The following BRAP variants were observed in gnomAD, a reference collection of about 807,000 sequenced individuals.
BRAP encodes the protein BRCA1 associated protein.
Under a neutral mutation model 73.4 loss-of-function variants are expected in BRAP, and 42 were observed. That is an observed-to-expected ratio of 0.57 (90% CI 0.45 to 0.74). The LOEUF (loss-of-function observed/expected upper bound fraction) is 0.74, where lower values mean the gene tolerates loss of function less well. Ranked by LOEUF, BRAP falls within the 30% of genes least tolerant of loss-of-function variation. BRAP has a pLI of 0.00. For missense variants in BRAP, 593 were observed against 751.4 expected, an observed-to-expected ratio of 0.79 and a Z score of 2.46; for synonymous variants, 255 against 267.4, an observed-to-expected ratio of 0.95 and a Z score of 0.45.
chr12:111,668,034 C>T (rs1473933199), intron 5 of BRAP, among the ~76,000 whole-genome samples: 1 of 152,116 alleles, frequency 6.6e-6, no homozygotes, highest in Non-Finnish European at 1.5e-5. Context: ...TGGTGAAACC[C>T]CATCTCTACT....
At chr12:111,680,390 A>G (rs1887554298) in intron 3 of BRAP, among the ~76,000 whole-genome samples, 1 of 152,116 alleles carries the variant, frequency 6.6e-6, no homozygotes, top group Non-Finnish European at 1.5e-5. Flanking sequence ...CTCACTTGAC[A>G]GCTGTGATCC....
chr12:111,679,492 T>G lies in BRAP; in HGVS notation c.444-152A>C, dbSNP rs915980967. ...TCTATATTATACCCCCCATTGGACT[T>G]TTTAATCTTCAGTTCAACATTTATT... On this transcript the variant is annotated intron_variant, in intron 3 of 11. Transcript: ENST00000419234. 2.5e-5 allele frequency: 12 copies of G among 472,384 alleles called. No individual in the cohort carries two copies. The South Asian group carries it at 4.9e-4, about 19-fold the overall frequency. The allele number at this position is 472,384 out of a possible 1,614,324, so 29.3% of individuals were successfully genotyped here. A position where few individuals can be genotyped will look rare whatever the true frequency, so the allele number is the denominator to read the frequency against.
chr12:111,646,985 G>C (rs1408031893), intron 11 of BRAP, among the ~76,000 whole-genome samples: 1 of 152,138 alleles, frequency 6.6e-6, no homozygotes, highest in Non-Finnish European at 1.5e-5. Flanking sequence ...TGCAGGCCAG[G>C]TGCAGGGCTC....
chr12:111,646,083 A>T (rs886118686), intron 11 of BRAP, among the ~76,000 whole-genome samples: 1 of 152,034 alleles, frequency 6.6e-6, no homozygotes, highest in Non-Finnish European at 1.5e-5. Flanking sequence ...GTCACTTTGA[A>T]ATCAGCCCGG....
intron 4 of BRAP, among the ~76,000 whole-genome samples, chr12:111,675,552 G>A (rs1421243468): frequency 6.7e-6 from 1 of 149,146 alleles, no homozygotes; most frequent in African/African-American, 2.5e-5. Flanking sequence ...ACTACACATG[G>A]TTCCTACTTC....
intron 9 of BRAP, among the ~76,000 whole-genome samples, chr12:111,657,278 A>G: frequency 6.6e-6 from 1 of 152,078 alleles, no homozygotes; most frequent in South Asian, 2.1e-4. Context: ...TCCTGACCTC[A>G]GGTGATCCAC....
chr12:111,652,719 C>CTTT (rs994492953), intron 10 of BRAP, among the ~76,000 whole-genome samples: 1 of 149,760 alleles, frequency 6.7e-6, no homozygotes, highest in South Asian at 2.1e-4. Flanking sequence ...ATCTCTCTCT[C>CTTT]TTTTTTTTTG....
intron 1 of BRAP, 94 bp downstream of exon 1, chr12:111,685,617 C>T (rs1887793661): frequency 1.4e-6 from 2 of 1,429,356 alleles, no homozygotes; most frequent in Non-Finnish European, 1.8e-6. Context: ...CAACAGCCCT[C>T]GCCGCGGGCT....
At position 111,685,874 on chromosome 12, in the gene BRAP, C is replaced by T. The variant is rs1049542083; in HGVS notation, c.-82G>A. On this transcript the variant is annotated 5_prime_UTR_variant, in exon 1 of 12. Transcript: ENST00000419234. ...GCCGAGAGGCCGAGCGGCCCGGGGC[C>T]GGCAGCGCCGCCACCACCTCAATGC... 3.5e-6 allele frequency: 3 copies of T among 852,290 alleles called. No individual in the cohort carries two copies. The highest frequency in any genetic ancestry group is 2.7e-5 in the South Asian group (1 of 37,338). 52.8% of individuals were successfully genotyped at this position (852,290 alleles called of 1,614,324 possible).
At chr12:111,645,441 C>T (rs901966129) in intron 11 of BRAP, among the ~76,000 whole-genome samples, 1 of 152,078 alleles carries the variant, frequency 6.6e-6, no homozygotes, top group Admixed American at 6.6e-5. Flanking sequence ...CTGTGACTGA[C>T]GGTAAAAATT....
At chr12:111,653,237 A>C (rs1335995673) in intron 10 of BRAP, among the ~76,000 whole-genome samples, 1 of 152,186 alleles carries the variant, frequency 6.6e-6, no homozygotes, top group Non-Finnish European at 1.5e-5. Flanking sequence ...AGCCCACAGT[A>C]AGAAACACCC....
At chr12:111,654,554 G>A (rs957673709) in intron 10 of BRAP, among the ~76,000 whole-genome samples, 2 of 152,188 alleles carry the variant, frequency 1.3e-5, no homozygotes, top group African/African-American at 4.8e-5. Context: ...GACCTCAAGT[G>A]ATCTGCCTGC....
intron 8 of BRAP, among the ~76,000 whole-genome samples, 176 bp downstream of exon 8, chr12:111,659,031 A>AATCAC (rs1886641242): frequency 1.3e-5 from 2 of 152,204 alleles, no homozygotes. Context: ...AACTCCCTTT[A>AATCAC]TAATGTGTGA....
Position 111,643,630 on chromosome 12 carries a change from TTTACTA to T in BRAP, c.*563_*568del, listed in dbSNP as rs1270516409. ...CTGCTGGTAAAGAGCCAGGGCCTGG[TTTACTA>T]CCAGGCCTCTTTTCAGATAACATTC... On this transcript the variant is annotated 3_prime_UTR_variant, in exon 12 of 12. Coordinates refer to ENST00000419234, the MANE Select transcript of BRAP (RefSeq NM_006768.5). 6.6e-6 allele frequency: 1 copy of T among 152,194 alleles called. No homozygotes were observed. Among genetic ancestry groups the T allele is most frequent in the Non-Finnish European group, 1.5e-5 (1 of 68,128 alleles). The allele number at this position is 152,194 out of a possible 1,614,324, so 9.4% of individuals were successfully genotyped here. A position where few individuals can be genotyped will look rare whatever the true frequency, so the allele number is the denominator to read the frequency against.
In BRAP at chr12:111,681,751, C is replaced by G. The variant is rs768730554; in HGVS notation, c.329G>C (p.Cys110Ser). The change falls in exon 3 of 12, where the codon TGC becomes TCC. Residue 110 changes from cysteine (C) to serine (S), a missense_variant. Transcript: ENST00000419234. Reference sequence around the variant, plus strand: ...CGGAGAATCTGGGGCAGCGTTTATGCATTCCTTACTGTGATCTTTACTTCT... The same window carrying G: ...CGGAGAATCTGGGGCAGCGTTTATGGATTCCTTACTGTGATCTTTACTTCT... ...AQRSKDHSKECINAAPDSPSK... is the reference protein window; with the variant it reads ...AQRSKDHSKESINAAPDSPSK... 6.8e-6 allele frequency: 11 copies of G among 1,613,978 alleles called. No homozygotes were observed. Among genetic ancestry groups the G allele is most frequent in the Non-Finnish European group, 8.5e-6 (10 of 1,180,002 alleles).
intron 5 of BRAP, among the ~76,000 whole-genome samples, chr12:111,666,495 T>C (rs1433287264): frequency 1.3e-5 from 2 of 152,226 alleles, no homozygotes; most frequent in Non-Finnish European, 2.9e-5. Context: ...AGACAGACAC[T>C]GTTCTAGGTG....
At chr12:111,663,613 G>A (rs946981850) in intron 6 of BRAP, among the ~76,000 whole-genome samples, 1 of 152,108 alleles carries the variant, frequency 6.6e-6, no homozygotes, top group African/African-American at 2.4e-5. Flanking sequence ...TCCTACTGCA[G>A]CCCTTCCTGA....
intron 4 of BRAP, among the ~76,000 whole-genome samples, chr12:111,675,768 T>C (rs1322183849): frequency 6.6e-6 from 1 of 152,044 alleles, no homozygotes; most frequent in Non-Finnish European, 1.5e-5. Context: ...TCAAGTTCCT[T>C]CGCTGTCACA....
intron 11 of BRAP, among the ~76,000 whole-genome samples, chr12:111,649,244 C>T (rs1484721815): frequency 2.0e-5 from 3 of 152,078 alleles, no homozygotes; most frequent in Non-Finnish European, 2.9e-5. Flanking sequence ...CTTCTGCCTC[C>T]CAGACTCATG....
Sources: allele counts gnomAD v4.1 joint callset (sites outside exome capture counted in the v4.1 genomes callset), GRCh38; gene constraint gnomAD v4.1.1; transcripts MANE v1.5; gene names NCBI Gene and HGNC (gene_info 2026-07-23, HGNC 2026-07-21).